VPS39: variants seen among roughly 807,000 people sequenced by gnomAD.
The protein encoded by VPS39 is vam6/Vps39-like protein.
In VPS39, 70 loss-of-function variants were observed where a neutral mutation model predicts 121.0. The ratio of observed to expected loss-of-function variants is 0.58; its 90% CI spans 0.48 to 0.71. The LOEUF (loss-of-function observed/expected upper bound fraction) is 0.71. VPS39 is among the 30% of genes least tolerant of loss of function. The pLI, the probability that VPS39 is intolerant of heterozygous loss-of-function variation, is 0.00. For missense variants in VPS39, 818 were observed against 1,051.5 expected, an observed-to-expected ratio of 0.78 and a Z score of 3.07; for synonymous variants, 378 against 398.1, an observed-to-expected ratio of 0.95 and a Z score of 0.60.
intron 21 of VPS39, 140 bp downstream of exon 21, chr15:42,163,210 C>A: frequency 9.9e-7 from 1 of 1,011,488 alleles, no homozygotes; most frequent in Non-Finnish European, 1.5e-6. Flanking sequence ...CCCTGCTGTC[C>A]CTCAATACAC....
Position 42,164,465 on chromosome 15 carries a change from C to A in VPS39, c.1919G>T (p.Gly640Val), listed in dbSNP as rs200244180. The A allele has an allele frequency of 2.4e-4, 382 of 1,613,916 alleles. No individual in the cohort carries two copies. Among genetic ancestry groups the A allele is most frequent in the Non-Finnish European group, 2.9e-4 (344 of 1,179,944 alleles). The change falls in exon 19 of 25, where the codon GGA (glycine) becomes GTA (valine). Residue 640 changes from glycine to valine, a missense_variant. Gly to Val is a moderately radical substitution (Grantham distance 109, BLOSUM62 -3). Transcript: ENST00000318006. ...TTCTCCCAGCTCACCCTCTTCCTCT[C>A]CAGCTGGGACTGGGGTTTTGCCTTT... Reference protein sequence around the residue: ...FPAGKTPVPAGEEEGELGEYR... With the variant: ...FPAGKTPVPAVEEEGELGEYR...
intron 10 of VPS39, among the ~76,000 whole-genome samples, chr15:42,174,238 C>G (rs2049404173): frequency 6.6e-6 from 1 of 151,768 alleles, no homozygotes; most frequent in Non-Finnish European, 1.5e-5. Context: ...CAGAGTGAGA[C>G]TCCATCTCAA....
chr15:42,193,482 C>T (rs1409371587), intron 2 of VPS39, among the ~76,000 whole-genome samples: 1 of 152,170 alleles, frequency 6.6e-6, no homozygotes, highest in Non-Finnish European at 1.5e-5. Context: ...AATCTCACAC[C>T]TGTCAATGAA....
chr15:42,204,477 C>T (rs2050129362), intron 1 of VPS39, among the ~76,000 whole-genome samples: 1 of 152,152 alleles, frequency 6.6e-6, no homozygotes, highest in Admixed American at 6.5e-5. Flanking sequence ...TGACGAAACC[C>T]CGTCTCTACT....
At chr15:42,205,642 T>C (rs555705759) in intron 1 of VPS39, among the ~76,000 whole-genome samples, 1 of 152,330 alleles carries the variant, frequency 6.6e-6, no homozygotes, top group East Asian at 1.9e-4. Context: ...ATTCTAGTTG[T>C]GATGTGATAC....
chr15:42,192,719 C>T (rs1349277772), intron 2 of VPS39, among the ~76,000 whole-genome samples: 2 of 152,144 alleles, frequency 1.3e-5, no homozygotes, highest in African/African-American at 2.4e-5. Context: ...ACACTTCCTA[C>T]ACTTGAAAGC....
chr15:42,174,786 C>A (rs1332319673), intron 10 of VPS39, among the ~76,000 whole-genome samples: 1 of 152,004 alleles, frequency 6.6e-6, no homozygotes, highest in African/African-American at 2.4e-5. Flanking sequence ...CCCAGCCTGG[C>A]CAACATAGTG....
chr15:42,206,616 T>A (rs572490644), intron 1 of VPS39, among the ~76,000 whole-genome samples: 9 of 152,280 alleles, frequency 5.9e-5, no homozygotes, highest in African/African-American at 1.4e-4. Flanking sequence ...GCTGCATTAA[T>A]CCCTTTCAGA....
chr15:42,168,426 G>A (rs374659792), intron 12 of VPS39, among the ~76,000 whole-genome samples: 7 of 152,276 alleles, frequency 4.6e-5, no homozygotes, highest in African/African-American at 1.4e-4. Context: ...GGTACCCCTG[G>A]AGCCCAATGT....
chr15:42,171,024 T>G (rs373939166), intron 11 of VPS39, among the ~76,000 whole-genome samples: 2 of 152,148 alleles, frequency 1.3e-5, no homozygotes, highest in South Asian at 2.1e-4. Flanking sequence ...CATGAGCCAC[T>G]GTACCTGGCC....
At chr15:42,173,614 C>A in intron 11 of VPS39, 109 bp downstream of exon 11, 1 of 1,431,338 alleles carries the variant, frequency 7.0e-7, no homozygotes, top group Non-Finnish European at 9.5e-7. Flanking sequence ...ATCAATTTAG[C>A]TGAGCCTAAA....
Position 42,166,737 on chromosome 15 carries a change from G to A in VPS39, c.1519+35C>T, listed in dbSNP as rs748476302. Reference sequence around the variant, plus strand: ...AGTGGGTTTCCCCTGCCATGTACAAGAGCCCCTCCCAGATCCAAGGAACCA... The same window carrying A: ...AGTGGGTTTCCCCTGCCATGTACAAAAGCCCCTCCCAGATCCAAGGAACCA... On this transcript the variant is annotated intron_variant, in intron 14 of 24. Coordinates refer to ENST00000318006, the MANE Select transcript of VPS39 (RefSeq NM_015289.5). The A allele has an allele frequency of 2.5e-6, 4 of 1,613,428 alleles. No homozygotes were observed. The Admixed American group carries it at 5.0e-5, about 20-fold the overall frequency.
chr15:42,185,769 G>A (rs1249920884), intron 7 of VPS39, among the ~76,000 whole-genome samples: 1 of 152,196 alleles, frequency 6.6e-6, no homozygotes, highest in African/African-American at 2.4e-5. Flanking sequence ...AGGGAATTTT[G>A]GGGGGTGATG....
intron 6 of VPS39, 62 bp from the exon 7 acceptor site, chr15:42,187,425 C>T (rs2049726306): frequency 1.4e-6 from 2 of 1,449,848 alleles, no homozygotes; most frequent in East Asian, 2.4e-5. Flanking sequence ...CATGACTTTC[C>T]TGTTATTCTG....
chr15:42,207,323 T>A (rs538209421), intron 1 of VPS39, among the ~76,000 whole-genome samples: 1 of 152,326 alleles, frequency 6.6e-6, no homozygotes, highest in East Asian at 1.9e-4. Context: ...TGGCGGCTGG[T>A]ATCAAACCAG....
At chr15:42,202,099 A>C (rs2050079745) in intron 1 of VPS39, among the ~76,000 whole-genome samples, 1 of 152,150 alleles carries the variant, frequency 6.6e-6, no homozygotes, top group African/African-American at 2.4e-5. Flanking sequence ...TTGATTCCCA[A>C]CCACATGCTG....
At chr15:42,165,877 A>G (rs979735716) in intron 16 of VPS39, 61 bp from the exon 17 acceptor site, 2 of 1,488,440 alleles carry the variant, frequency 1.3e-6, no homozygotes, top group Non-Finnish European at 1.9e-6. Flanking sequence ...CAGCAAACAC[A>G]CACGCATGTG....
rs1308885092 is a variant in VPS39 at position 42,184,542 on chromosome 15, G to A, written c.693C>T (p.Asn231=). ...CCATGGCCACTGGTATGTCCGTCCA[G>A]TTCAGGGCACATTTCTGTGTGCAGA... is the stretch of plus-strand genomic sequence containing the variant. The part of the protein sequence containing the change: ...EGICTQKCAL[N]WTDIPVAMEH... The change falls in exon 8 of 25, where the codon AAC becomes AAT. Residue 231 remains asparagine (N), a synonymous_variant. Transcript: ENST00000318006. 6.2e-7 allele frequency: 1 copy of A among 1,612,822 alleles called. No individual in the cohort carries two copies. The highest frequency in any genetic ancestry group is 1.1e-5 in the South Asian group (1 of 90,914).
intron 2 of VPS39, chr15:42,192,165 G>T: frequency 6.7e-7 from 1 of 1,498,140 alleles, no homozygotes; most frequent in Non-Finnish European, 9.0e-7. Context: ...TGCTGGGGAT[G>T]ACAAAAATAT....
Sources: allele counts gnomAD v4.1 joint callset (sites outside exome capture counted in the v4.1 genomes callset), GRCh38; gene constraint gnomAD v4.1.1; transcripts MANE v1.5; gene names NCBI Gene and HGNC (gene_info 2026-07-23, HGNC 2026-07-21).